The following CDKN2B-AS1 variants were observed in gnomAD, a reference collection of about 807,000 sequenced individuals.
The protein encoded by CDKN2B-AS1 is CDKN2B antisense RNA 1 (non-protein coding).
intron 1 of CDKN2B-AS1, among the ~76,000 whole-genome samples, chr9:22,019,971 T>A (rs1287250342): frequency 6.6e-6 from 1 of 152,128 alleles, no homozygotes; most frequent in Non-Finnish European, 1.5e-5. Context: ...CACCCAGGTA[T>A]TAAGTCTAGT....
chr9:22,119,398 T>C (rs573745996), intron 4 of CDKN2B-AS1: 3 of 152,318 alleles, frequency 2.0e-5, no homozygotes, highest in Admixed American at 6.5e-5. Context: ...TCGGAACTTT[T>C]TAGCAATGTA....
chr9:22,068,594 T>G (rs1318762281), intron 4 of CDKN2B-AS1, among the ~76,000 whole-genome samples: 1 of 152,170 alleles, frequency 6.6e-6, no homozygotes, highest in Non-Finnish European at 1.5e-5. Flanking sequence ...GTAGGAGGCC[T>G]CTATTGAACT....
At chr9:22,012,393 C>T in intron 1 of CDKN2B-AS1, 2 of 842,204 alleles carry the variant, frequency 2.4e-6, no homozygotes, top group Non-Finnish European at 4.1e-6. Context: ...ATTATTGAGC[C>T]TTCACTCTTC....
At chr9:22,015,074 G>T (rs1464809478) in intron 1 of CDKN2B-AS1, among the ~76,000 whole-genome samples, 10 of 151,958 alleles carry the variant, frequency 6.6e-5, no homozygotes, top group Non-Finnish European at 1.5e-4. Flanking sequence ...AAACATACGT[G>T]TGCATGTGTC....
At chr9:22,074,451 G>A (rs773205139) in intron 4 of CDKN2B-AS1, among the ~76,000 whole-genome samples, 12 of 152,164 alleles carry the variant, frequency 7.9e-5, no homozygotes, top group Non-Finnish European at 7.4e-5. Context: ...GGGATGTAGG[G>A]AGTACTTCAG....
chr9:22,018,034 A>G (rs993018934), intron 1 of CDKN2B-AS1, among the ~76,000 whole-genome samples: 1 of 152,240 alleles, frequency 6.6e-6, no homozygotes, highest in African/African-American at 2.4e-5. Context: ...ATTGAGATAG[A>G]TGAAAACATT....
exon 5 of CDKN2B-AS1, among the ~76,000 whole-genome samples, chr9:22,127,362 G>A (rs1053696044): frequency 3.3e-5 from 5 of 152,256 alleles, no homozygotes; most frequent in Admixed American, 6.5e-5. Flanking sequence ...TTACAGGCAT[G>A]AGCCACTGTG....
intron 4 of CDKN2B-AS1, among the ~76,000 whole-genome samples, chr9:22,125,260 T>C (rs1005367346): frequency 6.6e-6 from 1 of 152,236 alleles, no homozygotes; most frequent in Admixed American, 6.5e-5. Flanking sequence ...ACTCTGAAGA[T>C]CATACCCGAA....
At chr9:22,003,983 T>G (rs1207259889) in intron 1 of CDKN2B-AS1, 1 of 232,852 alleles carries the variant, frequency 4.3e-6, no homozygotes, top group East Asian at 6.1e-5. Flanking sequence ...GCTGTGGAAC[T>G]AGATGCACTT....
chr9:22,073,308 G>A (rs568309810), intron 4 of CDKN2B-AS1, among the ~76,000 whole-genome samples: 5 of 152,122 alleles, frequency 3.3e-5, no homozygotes, highest in South Asian at 2.1e-4. Context: ...ATATTTTCAC[G>A]ATTCAAAAAG....
intron 1 of CDKN2B-AS1, among the ~76,000 whole-genome samples, chr9:22,013,089 C>T (rs1386977474): frequency 6.6e-6 from 1 of 152,142 alleles, no homozygotes; most frequent in Non-Finnish European, 1.5e-5. Flanking sequence ...CATAGTCATC[C>T]CTCTGTGCAC....
intron 1 of CDKN2B-AS1, chr9:22,004,322 C>T (rs1043819345): frequency 4.3e-6 from 1 of 232,026 alleles, no homozygotes; most frequent in Non-Finnish European, 8.5e-6. Flanking sequence ...GTTTCTGTTC[C>T]TTTTTTCTCT....
At chr9:22,091,039 A>G (rs1825064123) in intron 4 of CDKN2B-AS1, among the ~76,000 whole-genome samples, 2 of 152,194 alleles carry the variant, frequency 1.3e-5, no homozygotes, top group African/African-American at 2.4e-5. Flanking sequence ...TCAGCTTTCT[A>G]CATATGGCTA....
chr9:22,113,551 G>T (rs999252333), intron 4 of CDKN2B-AS1: 3 of 152,186 alleles, frequency 2.0e-5, no homozygotes, highest in Non-Finnish European at 4.4e-5. Flanking sequence ...AATTCTGCCT[G>T]CTGCAGCCTG....
intron 1 of CDKN2B-AS1, among the ~76,000 whole-genome samples, chr9:22,026,915 T>G (rs1380378144): frequency 6.6e-6 from 1 of 152,010 alleles, no homozygotes; most frequent in African/African-American, 2.4e-5. Context: ...ATTCCCAGAG[T>G]TGCGCATTCA....
chr9:22,076,761 T>G (rs1237798246), intron 4 of CDKN2B-AS1, among the ~76,000 whole-genome samples: 1 of 152,164 alleles, frequency 6.6e-6, no homozygotes, highest in Non-Finnish European at 1.5e-5. Context: ...GGCGCAATCT[T>G]GGCTCACTGC....
chr9:22,027,585 T>G (rs1423105344), intron 1 of CDKN2B-AS1, among the ~76,000 whole-genome samples: 2 of 152,232 alleles, frequency 1.3e-5, no homozygotes, highest in Non-Finnish European at 2.9e-5. Flanking sequence ...GAAGACTGCT[T>G]TTTTCATGGT....
chr9:22,054,694 T>C (rs1199057235), intron 3 of CDKN2B-AS1, among the ~76,000 whole-genome samples: 1 of 150,346 alleles, frequency 6.7e-6, no homozygotes, highest in East Asian at 1.9e-4. Flanking sequence ...TTTTTTATTT[T>C]TTATTTATTT....
chr9:22,068,135 C>G (rs956053343), intron 4 of CDKN2B-AS1, among the ~76,000 whole-genome samples: 1 of 152,176 alleles, frequency 6.6e-6, no homozygotes, highest in African/African-American at 2.4e-5. Flanking sequence ...TCTCAGAGAT[C>G]TCCCTTTTCC....
Sources: allele counts gnomAD v4.1 joint callset (sites outside exome capture counted in the v4.1 genomes callset), GRCh38; gene constraint gnomAD v4.1.1; transcripts MANE v1.5; gene names NCBI Gene and HGNC (gene_info 2026-07-23, HGNC 2026-07-21).